The following LINGO2 variants were observed in gnomAD, a reference collection of about 807,000 sequenced individuals.
LINGO2 encodes the protein leucine-rich repeat and immunoglobulin-like domain-containing nogo receptor-interacting protein 2.
A neutral mutation model predicts 30.6 loss-of-function variants in LINGO2; 14 were observed. The observed-to-expected ratio is 0.46, with a 90% CI of 0.30 to 0.72. LINGO2 has a LOEUF of 0.72. LINGO2 is among the 30% of genes least tolerant of loss of function. The probability of loss-of-function intolerance (pLI) is 0.07; values close to 1 mark genes in which losing one functional copy is unlikely to be tolerated. For synonymous variants in LINGO2, 317 were observed against 288.5 expected, an observed-to-expected ratio of 1.10 and a Z score of -1.00; for missense variants, 729 against 751.7, an observed-to-expected ratio of 0.97 and a Z score of 0.35.
exon 6 of LINGO2, chr9:27,948,590 G>T: frequency 2.5e-6 from 1 of 400,526 alleles, no homozygotes; most frequent in Non-Finnish European, 4.4e-6. Context: ...AAATATTCAG[G>T]TTCATTACTG....
the LINGO2 span, among the ~76,000 whole-genome samples, chr9:29,173,035 C>A: frequency 6.6e-6 from 1 of 151,980 alleles, no homozygotes; most frequent in Non-Finnish European, 1.5e-5. Flanking sequence ...GAGAAAATCA[C>A]AATTTGGGGT....
chr9:29,176,572 A>G, the LINGO2 span, among the ~76,000 whole-genome samples: 1 of 152,208 alleles, frequency 6.6e-6, no homozygotes, highest in Non-Finnish European at 1.5e-5. Context: ...ACTGTGCTTA[A>G]TCTTGTGTGT....
At chr9:28,440,458 G>A (rs1038404523) in intron 2 of LINGO2, among the ~76,000 whole-genome samples, 1 of 152,062 alleles carries the variant, frequency 6.6e-6, no homozygotes, top group Non-Finnish European at 1.5e-5. Flanking sequence ...GAAAAGCAAA[G>A]CCATCAATTA....
chr9:28,490,211 A>C (rs1280592856), intron 1 of LINGO2, among the ~76,000 whole-genome samples: 1 of 152,156 alleles, frequency 6.6e-6, no homozygotes, highest in East Asian at 1.9e-4. Context: ...TCAAGTTCCA[A>C]TACAACCTTG....
At chr9:28,104,550 T>C (rs1165218956) in intron 4 of LINGO2, among the ~76,000 whole-genome samples, 1 of 152,050 alleles carries the variant, frequency 6.6e-6, no homozygotes, top group Non-Finnish European at 1.5e-5. Flanking sequence ...CTACCTCTAA[T>C]GACCATTTTG....
At chr9:28,195,267 C>T (rs1052322547) in intron 4 of LINGO2, among the ~76,000 whole-genome samples, 9 of 151,574 alleles carry the variant, frequency 5.9e-5, no homozygotes, top group Non-Finnish European at 1.2e-4. Flanking sequence ...ATTAGACCTA[C>T]CTGAAATAGT....
At chr9:27,947,895 C>T (rs1587502894), downstream of LINGO2, among the ~76,000 whole-genome samples, 1 of 152,218 alleles carries the variant, frequency 6.6e-6, no homozygotes, top group East Asian at 1.9e-4. Flanking sequence ...TTCTATTAAC[C>T]CGCTAATAGT....
chr9:28,222,845 G>A (rs75474671), intron 4 of LINGO2, among the ~76,000 whole-genome samples: 2,090 of 152,196 alleles, frequency 0.014, 33 homozygotes, highest in East Asian at 0.034. Context: ...AAGAGGGGGC[G>A]ATTACATACA....
the LINGO2 span, among the ~76,000 whole-genome samples, chr9:29,150,051 G>T: frequency 5.3e-5 from 8 of 152,172 alleles, no homozygotes; most frequent in African/African-American, 1.9e-4. Flanking sequence ...ACAGAGTGCT[G>T]CCATGAACAT....
the LINGO2 span, among the ~76,000 whole-genome samples, chr9:29,000,906 A>G: frequency 6.6e-6 from 1 of 151,976 alleles, no homozygotes; most frequent in Non-Finnish European, 1.5e-5. Context: ...TTCAAACTGT[A>G]AGTTATACTT....
chr9:28,006,096 C>T (rs879288339), intron 5 of LINGO2, among the ~76,000 whole-genome samples: 1 of 151,940 alleles, frequency 6.6e-6, no homozygotes, highest in Non-Finnish European at 1.5e-5. Flanking sequence ...GATTTATTTC[C>T]AGTGTCACCA....
chr9:29,164,341 G>A, the LINGO2 span, among the ~76,000 whole-genome samples: 3 of 152,120 alleles, frequency 2.0e-5, no homozygotes, highest in Admixed American at 6.6e-5. Context: ...ATCTGATGCC[G>A]TAGTAGATAA....
intron 4 of LINGO2, among the ~76,000 whole-genome samples, chr9:28,061,558 A>G (rs1825145193): frequency 6.6e-6 from 1 of 151,970 alleles, no homozygotes; most frequent in Non-Finnish European, 1.5e-5. Flanking sequence ...CTTTTAATCC[A>G]TAAAAATAAA....
chr9:28,556,642 A>C (rs912298554), intron 1 of LINGO2, among the ~76,000 whole-genome samples: 2 of 152,030 alleles, frequency 1.3e-5, no homozygotes, highest in African/African-American at 4.8e-5. Flanking sequence ...ATTGGAAAAA[A>C]CTACTTTAAA....
At chr9:28,865,610 G>A in the LINGO2 span, among the ~76,000 whole-genome samples, 3 of 152,040 alleles carry the variant, frequency 2.0e-5, no homozygotes, top group Non-Finnish European at 4.4e-5. Flanking sequence ...GAGAAACACC[G>A]TCTCTACTAG....
At chr9:28,865,053 A>C in the LINGO2 span, among the ~76,000 whole-genome samples, 1 of 152,304 alleles carries the variant, frequency 6.6e-6, no homozygotes, top group East Asian at 1.9e-4. Context: ...ACCATATATA[A>C]GAGAACTGAA....
the LINGO2 span, among the ~76,000 whole-genome samples, chr9:29,145,915 T>C: frequency 1.3e-5 from 2 of 152,198 alleles, no homozygotes; most frequent in East Asian, 1.9e-4. Context: ...TGTGTGTGCA[T>C]GTAAGTTATA....
At chr9:28,703,748 G>T in the LINGO2 span, among the ~76,000 whole-genome samples, 4 of 151,474 alleles carry the variant, frequency 2.6e-5, no homozygotes. Context: ...TCTTTCAGTT[G>T]TTGTCCTAGA....
chr9:28,060,387 C>G (rs923313655), intron 4 of LINGO2, among the ~76,000 whole-genome samples: 1 of 152,162 alleles, frequency 6.6e-6, no homozygotes, highest in Non-Finnish European at 1.5e-5. Flanking sequence ...ATAGCTAACA[C>G]TTGGTTTCTT....
Sources: allele counts gnomAD v4.1 joint callset (sites outside exome capture counted in the v4.1 genomes callset), GRCh38; gene constraint gnomAD v4.1.1; transcripts MANE v1.5; gene names NCBI Gene and HGNC (gene_info 2026-07-23, HGNC 2026-07-21).